RIMS2: variants seen among roughly 807,000 people sequenced by gnomAD.
RIMS2 encodes the protein regulating synaptic membrane exocytosis protein 2.
In RIMS2, 59 loss-of-function variants were observed where a neutral mutation model predicts 174.4. The ratio of observed to expected loss-of-function variants is 0.34; its 90% confidence interval spans 0.27 to 0.42. RIMS2 has a LOEUF of 0.42. Ranked by LOEUF, RIMS2 falls within the 10% of genes least tolerant of loss-of-function variation. The pLI is 1.00. For missense variants in RIMS2, 1,620 were observed against 1,666.3 expected (o/e 0.97, Z 0.48); for synonymous variants, 606 against 572.5 (o/e 1.06, Z -0.84).
chr8:104,251,662 A>T (rs749666558), exon 24 of RIMS2: 2 of 1,611,004 alleles, frequency 1.2e-6, no homozygotes, highest in Non-Finnish European at 1.7e-6. Flanking sequence ...AGTGGCCCAG[A>T]TACTTTTAGA....
chr8:104,249,163 C>A (rs1329496652), intron 21 of RIMS2, among the ~76,000 whole-genome samples: 1 of 151,780 alleles, frequency 6.6e-6, no homozygotes, highest in Non-Finnish European at 1.5e-5. Flanking sequence ...AAACTCCTGG[C>A]CTCAAGCGAT....
At chr8:103,842,392 C>G (rs2098945426) in intron 3 of RIMS2, among the ~76,000 whole-genome samples, 1 of 151,924 alleles carries the variant, frequency 6.6e-6, no homozygotes, top group African/African-American at 2.4e-5. Context: ...TTAAATATAA[C>G]TAAAAATAAA....
chr8:103,830,634 G>A (rs1564808402), intron 3 of RIMS2, among the ~76,000 whole-genome samples: 2 of 150,016 alleles, frequency 1.3e-5, no homozygotes, highest in East Asian at 1.9e-4. Flanking sequence ...ATGTTTAATA[G>A]TGTTGTTCAG....
intron 3 of RIMS2, among the ~76,000 whole-genome samples, chr8:103,836,330 C>T (rs1427175301): frequency 1.3e-5 from 2 of 152,068 alleles, no homozygotes; most frequent in Non-Finnish European, 2.9e-5. Flanking sequence ...GCAGCAGGAT[C>T]CTTGAGGCTA....
At chr8:103,671,226 G>A (rs992897819) in intron 1 of RIMS2, among the ~76,000 whole-genome samples, 6 of 152,144 alleles carry the variant, frequency 3.9e-5, no homozygotes, top group East Asian at 1.9e-4. Context: ...ATCTCCCACC[G>A]AGTGCCTCCC....
chr8:103,561,430 G>A (rs1244057464), intron 1 of RIMS2, among the ~76,000 whole-genome samples: 1 of 152,086 alleles, frequency 6.6e-6, no homozygotes, highest in Admixed American at 6.5e-5. Flanking sequence ...CAATCACTAT[G>A]TCTTGATATT....
At chr8:104,023,282 A>G (rs1468210361) in intron 19 of RIMS2, among the ~76,000 whole-genome samples, 1 of 147,148 alleles carries the variant, frequency 6.8e-6, no homozygotes, top group Non-Finnish European at 1.5e-5. Context: ...AAGTGACACA[A>G]TACCACTTTT....
At chr8:103,589,914 G>C (rs2133252447) in intron 1 of RIMS2, among the ~76,000 whole-genome samples, 1 of 151,430 alleles carries the variant, frequency 6.6e-6, no homozygotes, top group East Asian at 1.9e-4. Context: ...GAGAGTAGAA[G>C]GATGATTACC....
chr8:104,050,429 T>C (rs2096766809), intron 19 of RIMS2, among the ~76,000 whole-genome samples: 1 of 152,124 alleles, frequency 6.6e-6, no homozygotes, highest in Non-Finnish European at 1.5e-5. Flanking sequence ...AAGGAGCTAT[T>C]TTTGATGGAA....
Position 103,764,905 on chromosome 8 carries a change from A to G in RIMS2, c.388-1322A>G, listed in dbSNP as rs191139940. Reference sequence around the variant, plus strand: ...TCAAATTTAATTGGGGAGAAAAGAAATGTATATACAATTCAATGAAAGAAC... The same window carrying G: ...TCAAATTTAATTGGGGAGAAAAGAAGTGTATATACAATTCAATGAAAGAAC... On this transcript the variant is annotated intron_variant, in intron 2 of 23. Transcript: ENST00000504942. Among the ~76,000 whole-genome samples the G allele has an allele frequency of 6.6e-5, 10 of 152,262 alleles. No homozygotes were observed. The East Asian group carries it at 1.7e-3, about 26-fold the overall frequency.
rs567294467 is a variant in RIMS2, at chr8:104,090,057, CAT to C, written c.3334+75451_3334+75452del. 3.7e-4 allele frequency among the ~76,000 whole-genome samples: 54 copies of C among 144,290 alleles called. 2 individuals carry two copies. The South Asian group carries it at 0.011, about 30-fold the overall frequency. The allele number at this position is 144,290 out of a possible 152,430, so 94.7% of individuals were successfully genotyped here. A position where few individuals can be genotyped will look rare whatever the true frequency, so the allele number is the denominator to read the frequency against. On this transcript the variant is annotated intron_variant, in intron 19 of 23. Coordinates refer to ENST00000504942, the Ensembl canonical transcript of RIMS2. The stretch of plus-strand genomic sequence containing the variant: ...ATGAACACATTTATATACACATGCA[CAT>C]ATATATATTATATATATATACACAC...
intron 14 of RIMS2, among the ~76,000 whole-genome samples, chr8:103,951,593 C>G (rs72681398): frequency 0.13 from 19,323 of 152,210 alleles, 1,696 homozygotes; most frequent in Non-Finnish European, 0.19. Context: ...TTCCCATGGT[C>G]TTCACATCCC....
chr8:104,003,790 G>A (rs2095476187), intron 17 of RIMS2, among the ~76,000 whole-genome samples: 1 of 151,924 alleles, frequency 6.6e-6, no homozygotes, highest in Non-Finnish European at 1.5e-5. Context: ...TACTTGGAAG[G>A]GATTTAATTA....
intron 19 of RIMS2, among the ~76,000 whole-genome samples, chr8:104,119,195 A>C (rs559769595): frequency 3.6e-4 from 55 of 151,834 alleles, no homozygotes; most frequent in South Asian, 2.1e-3. Context: ...AAAACAAAAA[A>C]AAAAAAAATC....
chr8:104,099,655 C>A (rs1347746500), intron 19 of RIMS2, among the ~76,000 whole-genome samples: 1 of 151,966 alleles, frequency 6.6e-6, no homozygotes, highest in Non-Finnish European at 1.5e-5. Context: ...GGGAAAATTT[C>A]TGGGATTTTG....
chr8:103,802,454 C>T (rs1172614134), intron 3 of RIMS2, among the ~76,000 whole-genome samples: 1 of 152,082 alleles, frequency 6.6e-6, no homozygotes, highest in Non-Finnish European at 1.5e-5. Context: ...TCCCCTTTGG[C>T]TCTCCCAATA....
At chr8:103,727,541 T>C (rs2097540324) in intron 2 of RIMS2, among the ~76,000 whole-genome samples, 1 of 152,218 alleles carries the variant, frequency 6.6e-6, no homozygotes, top group African/African-American at 2.4e-5. Flanking sequence ...CAAGAAATCT[T>C]TGCCCAGACC....
At chr8:103,768,655 G>A (rs2098210180) in intron 3 of RIMS2, 1 of 831,226 alleles carries the variant, frequency 1.2e-6, no homozygotes, top group Non-Finnish European at 2.1e-6. Context: ...AGGATTGACT[G>A]ATACTACGAT....
At chr8:103,953,236 C>CA (rs34814451) in intron 14 of RIMS2, among the ~76,000 whole-genome samples, 19,310 of 152,106 alleles carry the variant, frequency 0.13, 1,691 homozygotes, top group Non-Finnish European at 0.19. Flanking sequence ...CATTCAAATT[C>CA]GGAAATACAA....
Sources: allele counts gnomAD v4.1 joint callset (sites outside exome capture counted in the v4.1 genomes callset), GRCh38; gene constraint gnomAD v4.1.1; transcripts MANE v1.5; gene names NCBI Gene and HGNC (gene_info 2026-07-23, HGNC 2026-07-21).